The following FRG1 variants were observed in gnomAD, a reference collection of about 807,000 sequenced individuals.
FRG1 encodes FSHD region gene 1, also known as protein FRG1.
FRG1 carries 19 observed loss-of-function variants against 37.0 expected under a neutral mutation model. The observed-to-expected ratio is 0.51, with a 90% CI of 0.36 to 0.75. The LOEUF is 0.75. Among genes scored for constraint, FRG1 ranks in the 30% least tolerant of loss-of-function variants. FRG1 has a pLI of 0.00. For synonymous variants in FRG1, 73 were observed against 96.5 expected (o/e 0.76, Z 1.43); for missense variants, 243 against 301.4 (o/e 0.81, Z 1.44).
At chr4:189,942,287 T>C (rs1736343902) in intron 1 of FRG1, among the ~76,000 whole-genome samples, 1 of 152,186 alleles carries the variant, frequency 6.6e-6, no homozygotes, top group African/African-American at 2.4e-5. Flanking sequence ...GGGTTTTTAG[T>C]ATATATTCAA....
chr4:189,962,352 T>C (rs999044940), intron 8 of FRG1, among the ~76,000 whole-genome samples: 2 of 152,200 alleles, frequency 1.3e-5, no homozygotes, highest in South Asian at 2.1e-4. Flanking sequence ...AGTTTTATTA[T>C]AAGATTTGGA....
intron 5 of FRG1, among the ~76,000 whole-genome samples, chr4:189,956,596 C>T (rs986311745): frequency 2.6e-5 from 4 of 152,156 alleles, no homozygotes; most frequent in African/African-American, 9.7e-5. Flanking sequence ...AGATGAGAGA[C>T]CACCCAGCCC....
rs1014171996 is a variant in FRG1 at position 189,950,872 on chromosome 4, G to A, written c.134-1290G>A. 1.1e-4 allele frequency among the ~76,000 whole-genome samples: 17 copies of A among 152,078 alleles called. No homozygotes were observed. The East Asian group carries it at 2.5e-3, about 22-fold the overall frequency. ...TCATTTTACCCATGAGTACATAAACGTACATTTCTTAACGTGGTATGTCTT... is the reference window on the plus strand; with the variant it reads ...TCATTTTACCCATGAGTACATAAACATACATTTCTTAACGTGGTATGTCTT... On this transcript the variant is annotated intron_variant, in intron 2 of 8. Coordinates refer to ENST00000226798, the MANE Select transcript of FRG1 (RefSeq NM_004477.3).
intron 2 of FRG1, among the ~76,000 whole-genome samples, chr4:189,947,128 C>T (rs1452085672): frequency 6.6e-6 from 1 of 152,244 alleles, no homozygotes. Flanking sequence ...AGGCGTGAGC[C>T]GCGGTGCCCG....
intron 2 of FRG1, among the ~76,000 whole-genome samples, chr4:189,944,822 G>C (rs112964359): frequency 6.6e-6 from 1 of 152,112 alleles, no homozygotes; most frequent in Non-Finnish European, 1.5e-5. Context: ...CTTGAGATCA[G>C]GTAGTGTGAG....
At chr4:189,950,264 A>G (rs1736699056) in intron 2 of FRG1, among the ~76,000 whole-genome samples, 1 of 152,158 alleles carries the variant, frequency 6.6e-6, no homozygotes, top group Admixed American at 6.5e-5. Context: ...TATAGTCTGG[A>G]TATTAATTCC....
chr4:189,948,655 T>C (rs1165829344), intron 2 of FRG1, among the ~76,000 whole-genome samples: 2 of 152,136 alleles, frequency 1.3e-5, no homozygotes, highest in African/African-American at 2.4e-5. Flanking sequence ...CCTGGTACTA[T>C]CTTATCAGCC....
chr4:189,960,082 C>G (rs550455676), intron 6 of FRG1, among the ~76,000 whole-genome samples: 1 of 152,310 alleles, frequency 6.6e-6, no homozygotes, highest in Admixed American at 6.5e-5. Context: ...TGCACAAACA[C>G]GTTATTTGTC....
chr4:189,961,594 G>A, intron 7 of FRG1: 1 of 303,932 alleles, frequency 3.3e-6, no homozygotes, highest in Non-Finnish European at 6.1e-6. Context: ...TTTTGGTAGA[G>A]ATGGGGTTTC....
chr4:189,947,122 G>A (rs1047844853), intron 2 of FRG1, among the ~76,000 whole-genome samples: 1 of 152,226 alleles, frequency 6.6e-6, no homozygotes, highest in Non-Finnish European at 1.5e-5. Flanking sequence ...GGATCCAGGC[G>A]TGAGCCGCGG....
intron 2 of FRG1, among the ~76,000 whole-genome samples, chr4:189,947,968 C>T (rs893227266): frequency 6.6e-6 from 1 of 152,162 alleles, no homozygotes; most frequent in African/African-American, 2.4e-5. Flanking sequence ...ATATCACAGT[C>T]CTGTTCTGCC....
chr4:189,953,402 G>A (rs1038896685), intron 4 of FRG1, among the ~76,000 whole-genome samples: 9 of 152,042 alleles, frequency 5.9e-5, no homozygotes, highest in African/African-American at 1.9e-4. Context: ...ACAAAACCTG[G>A]TTCACTGTTG....
At chr4:189,949,663 TTAAC>T (rs757665423) in intron 2 of FRG1, among the ~76,000 whole-genome samples, 2 of 152,186 alleles carry the variant, frequency 1.3e-5, no homozygotes, top group African/African-American at 2.4e-5. Flanking sequence ...TTTAAAATCA[TTAAC>T]TATTATATTT....
intron 3 of FRG1, among the ~76,000 whole-genome samples, chr4:189,952,695 T>C (rs372845419): frequency 6.7e-6 from 1 of 150,028 alleles, no homozygotes; most frequent in South Asian, 2.1e-4. Context: ...TAATGAGATA[T>C]GAAGTAATTA....
At chr4:189,943,145 A>G (rs1321108572) in intron 1 of FRG1, 57 bp from the exon 2 acceptor site, 25 of 1,477,070 alleles carry the variant, frequency 1.7e-5, no homozygotes, top group South Asian at 2.7e-5. Context: ...CAATCTTACA[A>G]TATTTATCGT....
At chr4:189,945,602 G>A (rs1736493906) in intron 2 of FRG1, among the ~76,000 whole-genome samples, 1 of 152,164 alleles carries the variant, frequency 6.6e-6, no homozygotes, top group Non-Finnish European at 1.5e-5. Context: ...CCACTTGGTT[G>A]TGGTGCGTTG....
intron 2 of FRG1, among the ~76,000 whole-genome samples, chr4:189,951,747 C>G (rs1019929210): frequency 1.3e-5 from 2 of 152,196 alleles, no homozygotes; most frequent in African/African-American, 4.8e-5. Context: ...CTCACTATAA[C>G]GTTGAACTCT....
At chr4:189,960,420 C>T (rs982803377) in intron 6 of FRG1, among the ~76,000 whole-genome samples, 4 of 152,176 alleles carry the variant, frequency 2.6e-5, no homozygotes, top group African/African-American at 9.7e-5. Context: ...TAATTTGATC[C>T]TAGTGTATTC....
intron 1 of FRG1, 141 bp downstream of exon 1, chr4:189,941,212 G>A: frequency 1.3e-6 from 1 of 751,182 alleles, no homozygotes; most frequent in Non-Finnish European, 2.2e-6. Context: ...CGGGCTGGAC[G>A]GAGGCCGGGC....
Sources: allele counts gnomAD v4.1 joint callset (sites outside exome capture counted in the v4.1 genomes callset), GRCh38; gene constraint gnomAD v4.1.1; transcripts MANE v1.5; gene names NCBI Gene and HGNC (gene_info 2026-07-23, HGNC 2026-07-21).